NRG3: variants seen among roughly 807,000 people sequenced by gnomAD.
NRG3 encodes pro-neuregulin-3, membrane-bound isoform.
A neutral mutation model predicts 66.9 loss-of-function variants in NRG3; 31 were observed. The ratio of observed to expected loss-of-function variants is 0.46; its 90% CI spans 0.35 to 0.63. NRG3 has a LOEUF of 0.63. NRG3 is among the 20% of genes least tolerant of loss of function. The pLI is 0.00. For missense variants in NRG3, 910 were observed against 878.9 expected, an observed-to-expected ratio of 1.04 and a Z score of -0.45; for synonymous variants, 393 against 359.4, an observed-to-expected ratio of 1.09 and a Z score of -1.06.
At chr10:82,043,911 G>C (rs989421) in intron 1 of NRG3, among the ~76,000 whole-genome samples, 96,642 of 151,818 alleles carry the variant, frequency 0.64, 32,330 homozygotes, top group South Asian at 0.87. Context: ...AAATACCAAA[G>C]CTCTTCTAAT....
chr10:82,761,950 T>C (rs181787337), intron 3 of NRG3, among the ~76,000 whole-genome samples: 3,369 of 147,520 alleles, frequency 0.023, 171 homozygotes, highest in African/African-American at 0.079. Context: ...CTTTCTTTCT[T>C]TCTTTCTTTC....
intron 2 of NRG3, among the ~76,000 whole-genome samples, chr10:82,382,209 A>G (rs116239551): frequency 0.035 from 5,377 of 152,112 alleles, 156 homozygotes; most frequent in African/African-American, 0.079. Context: ...GATCATTACT[A>G]TTAATTGCTT....
chr10:82,731,315 C>T (rs1443424567), intron 2 of NRG3, among the ~76,000 whole-genome samples: 4 of 146,552 alleles, frequency 2.7e-5, no homozygotes, highest in Admixed American at 1.4e-4. Context: ...TACAGTGAGC[C>T]GAGATCATGC....
chr10:82,004,548 C>A (rs2061311513), intron 1 of NRG3, among the ~76,000 whole-genome samples: 4 of 152,146 alleles, frequency 2.6e-5, no homozygotes, highest in Admixed American at 2.6e-4. Context: ...TGCGGCAGTG[C>A]TGATGTTTTT....
chr10:82,749,684 T>G (rs1429774949), intron 3 of NRG3, among the ~76,000 whole-genome samples: 3 of 152,134 alleles, frequency 2.0e-5, no homozygotes, highest in African/African-American at 7.2e-5. Flanking sequence ...ATAATTTTTT[T>G]TCATGGAAAG....
At chr10:82,173,974 C>A (rs1446634942) in intron 1 of NRG3, among the ~76,000 whole-genome samples, 1 of 152,080 alleles carries the variant, frequency 6.6e-6, no homozygotes, top group Non-Finnish European at 1.5e-5. Context: ...TAATTCATTT[C>A]AAATTATGTT....
chr10:82,784,626 AG>A (rs1185380868), intron 3 of NRG3, among the ~76,000 whole-genome samples: 16 of 152,146 alleles, frequency 1.1e-4, no homozygotes, highest in Admixed American at 3.3e-4. Flanking sequence ...ACTGGCCATC[AG>A]AGAAATGCAA....
chr10:82,042,802 GT>G (rs1262935190), intron 1 of NRG3, among the ~76,000 whole-genome samples: 2 of 151,928 alleles, frequency 1.3e-5, no homozygotes, highest in African/African-American at 4.8e-5. Context: ...TTGTCATTTA[GT>G]TTTTATCTGT....
At chr10:81,921,009 A>G (rs1160413226) in intron 1 of NRG3, among the ~76,000 whole-genome samples, 6 of 152,096 alleles carry the variant, frequency 3.9e-5, no homozygotes, top group Non-Finnish European at 7.4e-5. Flanking sequence ...AATGTATTTT[A>G]TGGTCAAATG....
At chr10:82,315,144 G>T (rs2081230273) in intron 1 of NRG3, among the ~76,000 whole-genome samples, 1 of 152,154 alleles carries the variant, frequency 6.6e-6, no homozygotes, top group South Asian at 2.1e-4. Context: ...GTATACACAT[G>T]TGATGTTTTA....
chr10:82,874,673 C>G (rs147792539), intron 4 of NRG3, among the ~76,000 whole-genome samples: 1 of 152,120 alleles, frequency 6.6e-6, no homozygotes, highest in Non-Finnish European at 1.5e-5. Flanking sequence ...GAAGTAGTAA[C>G]TATTTATATC....
intron 2 of NRG3, among the ~76,000 whole-genome samples, chr10:82,625,153 A>G (rs1164278512): frequency 2.0e-5 from 3 of 151,888 alleles, no homozygotes; most frequent in Non-Finnish European, 4.4e-5. Flanking sequence ...TTAAAATGCC[A>G]AAATAGCCAC....
intron 1 of NRG3, among the ~76,000 whole-genome samples, chr10:82,170,413 A>G (rs2072478605): frequency 6.6e-6 from 1 of 151,402 alleles, no homozygotes; most frequent in Admixed American, 6.6e-5. Context: ...ATAGCCCAAC[A>G]TTTTTCAGGC....
intron 1 of NRG3, among the ~76,000 whole-genome samples, chr10:82,272,066 A>G (rs931302385): frequency 2.0e-5 from 3 of 152,088 alleles, no homozygotes; most frequent in African/African-American, 4.8e-5. Context: ...CAAACAAACA[A>G]CCATGCTGCA....
Position 82,720,810 on chromosome 10 carries a change from C to CATATACATATATAT in NRG3, c.954-17762_954-17761insCATATATATATATA, listed in dbSNP as rs571675177. 4.8e-3 allele frequency among the ~76,000 whole-genome samples: 548 copies of CATATACATATATAT among 114,598 alleles called. 3 individuals carry two copies. The highest frequency in any genetic ancestry group is 6.8e-3 in the Non-Finnish European group (413 of 60,592). The allele number at this position is 114,598 out of a possible 152,430, so 75.2% of individuals were successfully genotyped here. Reference sequence around the variant, plus strand: ...AACACATATATAGGAGTATTTTATACATATATATATATATATATATATATA... The same window carrying CATATACATATATAT: ...AACACATATATAGGAGTATTTTATACATATACATATATATATATATATATATATATATATATATA... On this transcript the variant is annotated intron_variant, in intron 2 of 8. Coordinates refer to ENST00000372141, the MANE Select transcript of NRG3 (RefSeq NM_001010848.4).
intron 1 of NRG3, among the ~76,000 whole-genome samples, chr10:82,142,764 C>T (rs986225547): frequency 3.5e-5 from 3 of 84,766 alleles, no homozygotes; most frequent in African/African-American, 1.2e-4. Flanking sequence ...CTCTCTCTCG[C>T]TCTTTTTTTT....
rs1259318836 is a variant in NRG3 at position 82,311,105 on chromosome 10, T to A, written c.824-47634T>A. 2.1e-5 allele frequency among the ~76,000 whole-genome samples: 3 copies of A among 142,394 alleles called. No individual in the cohort carries two copies. In the East Asian group the frequency reaches 5.9e-4, roughly 28 times the overall value. The allele number at this position is 142,394 out of a possible 152,430, so 93.4% of individuals were successfully genotyped here. A position where few individuals can be genotyped will look rare whatever the true frequency, so the allele number is the denominator to read the frequency against. ...TGGTTACTGATGAGGTATTACTCTC[T>A]GAGTTGCTCTAAGATTGAGCCAAAT... On this transcript the variant is annotated intron_variant, in intron 1 of 8. Coordinates refer to ENST00000372141, the MANE Select transcript of NRG3 (RefSeq NM_001010848.4).
chr10:82,833,291 T>A (rs149568317), intron 3 of NRG3, among the ~76,000 whole-genome samples: 193 of 152,272 alleles, frequency 1.3e-3, no homozygotes, highest in African/African-American at 4.3e-3. Context: ...CTTCAACAGA[T>A]CTTAAGAGCA....
intron 1 of NRG3, among the ~76,000 whole-genome samples, chr10:82,303,740 G>T (rs12249982): frequency 0.48 from 72,660 of 151,512 alleles, 20,906 homozygotes; most frequent in African/African-American, 0.81. Context: ...TGGTGGCGAG[G>T]GCCTGTAATC....
Sources: allele counts gnomAD v4.1 joint callset (sites outside exome capture counted in the v4.1 genomes callset), GRCh38; gene constraint gnomAD v4.1.1; transcripts MANE v1.5; gene names NCBI Gene and HGNC (gene_info 2026-07-23, HGNC 2026-07-21).